The following RP1 variants were observed in gnomAD, a reference collection of about 807,000 sequenced individuals.
RP1 encodes oxygen-regulated protein 1.
In RP1, 16 loss-of-function variants were observed where a neutral mutation model predicts 14.8. The ratio of observed to expected loss-of-function variants is 1.08; its 90% CI spans 0.73 to 1.65. The LOEUF is 1.65. Among genes scored for constraint, RP1 ranks in the 40% most tolerant of loss-of-function variants. The pLI is 0.00. For synonymous variants in RP1, 876 were observed against 883.6 expected (o/e 0.99, Z 0.15); for missense variants, 2,631 against 2,535.0 (o/e 1.04, Z -0.81).
chr8:54,801,572 TC>T (rs577433896), intron 24 of RP1, among the ~76,000 whole-genome samples: 44 of 152,056 alleles, frequency 2.9e-4, no homozygotes, highest in African/African-American at 1.0e-3. Context: ...ATTCAGGACT[TC>T]CGCCTTGGCT....
intron 24 of RP1, among the ~76,000 whole-genome samples, chr8:54,798,121 C>T (rs1047892577): frequency 2.0e-5 from 3 of 152,100 alleles, no homozygotes; most frequent in South Asian, 2.1e-4. Context: ...TCAAGTGATT[C>T]TCATGCCTCA....
At chr8:54,587,575 G>A (rs968145701) in intron 1 of RP1, among the ~76,000 whole-genome samples, 2 of 152,198 alleles carry the variant, frequency 1.3e-5, no homozygotes, top group African/African-American at 4.8e-5. Flanking sequence ...AAAGGCCAAG[G>A]CAAGCATTGG....
intron 1 of RP1, among the ~76,000 whole-genome samples, chr8:54,604,429 A>G (rs1474120609): frequency 1.3e-5 from 2 of 152,118 alleles, no homozygotes; most frequent in Non-Finnish European, 2.9e-5. Context: ...ATGCTGCTGG[A>G]TTCATTTTGC....
Position 54,627,079 on chromosome 8 carries a change from A to C in RP1, c.3197A>C (p.Glu1066Ala). Reference protein sequence around the residue: ...INLARKRQSVEAAIQVDPIEE... With the variant: ...INLARKRQSVAAAIQVDPIEE... Reference sequence around the variant, plus strand: ...CTAGCTAGAAAAAGGCAAAGTGTAGAGGCTGCCATTCAAGTAGATCCTATA... The same window carrying C: ...CTAGCTAGAAAAAGGCAAAGTGTAGCGGCTGCCATTCAAGTAGATCCTATA... The change falls in exon 4 of 4, where the codon GAG becomes GCG. Residue 1066 changes from glutamate (E) to alanine (A), a missense_variant. By Grantham distance (107) the Glu-to-Ala change is moderately radical. Transcript: ENST00000220676. 2 of 1,614,104 alleles carry C rather than the reference A, an allele frequency of 1.2e-6. No individual in the cohort carries two copies. Among genetic ancestry groups the C allele is most frequent in the Non-Finnish European group, 1.7e-6 (2 of 1,179,996 alleles).
chr8:54,792,681 A>G (rs2060521828), intron 24 of RP1, among the ~76,000 whole-genome samples: 1 of 151,974 alleles, frequency 6.6e-6, no homozygotes, highest in Non-Finnish European at 1.5e-5. Context: ...AACTTATGTG[A>G]TACAAAAGCA....
chr8:54,670,521 G>GTGTATATATATACATATATGTATGTATA (rs1807135973), intron 7 of RP1, among the ~76,000 whole-genome samples: 1 of 51,284 alleles, frequency 1.9e-5, no homozygotes, highest in African/African-American at 5.8e-5. Flanking sequence ...ATATATGTAT[G>GTGTATATATATACATATATGTATGTATA]TGTATATATA....
At chr8:54,663,411 A>G (rs1477224590) in intron 6 of RP1, among the ~76,000 whole-genome samples, 1 of 152,208 alleles carries the variant, frequency 6.6e-6, no homozygotes, top group Admixed American at 6.5e-5. Flanking sequence ...TTGTGGTAAG[A>G]ACAAGTTTTC....
chr8:54,699,703 A>C (rs1807966728), intron 13 of RP1: 1 of 416,176 alleles, frequency 2.4e-6, no homozygotes, highest in Non-Finnish European at 4.1e-6. Flanking sequence ...GTTTTGTTTC[A>C]CTAATTGTTG....
chr8:54,597,206 C>A (rs1028702658), intron 1 of RP1, among the ~76,000 whole-genome samples: 3 of 152,140 alleles, frequency 2.0e-5, no homozygotes, highest in African/African-American at 4.8e-5. Context: ...TCATTATTTA[C>A]TAATTGTGTG....
intron 12 of RP1, among the ~76,000 whole-genome samples, chr8:54,690,424 T>C (rs1807683252): frequency 6.6e-6 from 1 of 152,038 alleles, no homozygotes; most frequent in Non-Finnish European, 1.5e-5. Flanking sequence ...TATACTTCTC[T>C]GAAATCAAAC....
At chr8:54,696,898 G>A in intron 12 of RP1, 1 of 795,412 alleles carries the variant, frequency 1.3e-6, no homozygotes. Flanking sequence ...TCGTTCTTCT[G>A]ACAGACAACA....
intron 12 of RP1, among the ~76,000 whole-genome samples, chr8:54,691,411 G>A (rs1807705175): frequency 6.6e-6 from 1 of 152,082 alleles, no homozygotes; most frequent in Non-Finnish European, 1.5e-5. Flanking sequence ...GAAGGATTTA[G>A]AAGGATTAGA....
upstream of RP1, among the ~76,000 whole-genome samples, chr8:54,611,887 C>CCCTTCCTTCCTTCCTT (rs370167305): frequency 5.6e-4 from 74 of 132,360 alleles, no homozygotes; most frequent in African/African-American, 2.0e-3. Flanking sequence ...CTCCCTCTCT[C>CCCTTCCTTCCTTCCTT]CCTTCCTTCC....
intron 22 of RP1, among the ~76,000 whole-genome samples, chr8:54,764,136 T>C (rs1051384516): frequency 2.0e-5 from 3 of 152,138 alleles, no homozygotes; most frequent in Non-Finnish European, 4.4e-5. Context: ...ACCGAAACAA[T>C]TGTGGGCCCC....
At chr8:54,588,072 A>G (rs1240043108) in intron 1 of RP1, among the ~76,000 whole-genome samples, 1 of 152,180 alleles carries the variant, frequency 6.6e-6, no homozygotes, top group Non-Finnish European at 1.5e-5. Flanking sequence ...TTTGATAAGG[A>G]ACTTAATATC....
intron 26 of RP1, among the ~76,000 whole-genome samples, chr8:54,854,427 C>T (rs1812139478): frequency 6.6e-6 from 1 of 152,152 alleles, no homozygotes; most frequent in Non-Finnish European, 1.5e-5. Context: ...AGAAAAAAAT[C>T]ACAACTTCTA....
intron 6 of RP1, among the ~76,000 whole-genome samples, chr8:54,660,802 T>C (rs1806871494): frequency 6.6e-6 from 1 of 152,132 alleles, no homozygotes; most frequent in Admixed American, 6.5e-5. Context: ...AGTAGAACCC[T>C]GGGTAAATAT....
At chr8:54,661,390 G>A (rs1806895077) in intron 6 of RP1, among the ~76,000 whole-genome samples, 1 of 150,452 alleles carries the variant, frequency 6.6e-6, no homozygotes, top group Non-Finnish European at 1.5e-5. Context: ...GAGGAGGGAG[G>A]ATCGCTTGAG....
chr8:54,840,866 A>G lies in RP1; in HGVS notation c.3835+3197A>G, dbSNP rs190559442. On this transcript the variant is annotated intron_variant, in intron 25 of 28. Coordinates refer to the RP1 transcript ENST00000637698. Reference sequence around the variant, plus strand: ...TTAAGGTATTTTCTCCAGCAGAAGAATATAATGTAATAATGATACTTACAG... The same window carrying G: ...TTAAGGTATTTTCTCCAGCAGAAGAGTATAATGTAATAATGATACTTACAG... 3.0e-3 allele frequency among the ~76,000 whole-genome samples: 464 copies of G among 152,326 alleles called. 8 individuals carry two copies. In the Middle Eastern group the frequency reaches 0.044, roughly 15 times the overall value.
Sources: gnomAD v4.1 joint callset for allele counts (sites outside exome capture counted in the v4.1 genomes callset) on GRCh38, gnomAD v4.1.1 for gene constraint, MANE v1.5 for transcripts, NCBI Gene and HGNC (gene_info 2026-07-23, HGNC 2026-07-21) for gene names.